DISC1: variants seen among roughly 807,000 people sequenced by gnomAD.
DISC1 encodes the protein disrupted in schizophrenia 1 protein.
A neutral mutation model predicts 84.5 loss-of-function variants in DISC1; 57 were observed. The observed-to-expected ratio is 0.67, with a 90% CI of 0.55 to 0.84. DISC1 has a LOEUF of 0.84. Ranked by LOEUF, DISC1 falls within the 40% of genes least tolerant of loss-of-function variation. The pLI, the probability that DISC1 is intolerant of heterozygous loss-of-function variation, is 0.00. For synonymous variants in DISC1, 411 were observed against 415.2 expected (o/e 0.99, Z 0.12); for missense variants, 1,000 against 1,057.8 (o/e 0.95, Z 0.76).
intron 9 of DISC1, among the ~76,000 whole-genome samples, chr1:231,842,506 C>T (rs1159446224): frequency 1.3e-5 from 2 of 152,196 alleles, no homozygotes; most frequent in East Asian, 3.8e-4. Context: ...CATTTGCCAA[C>T]TCCTATGTAG....
At chr1:231,670,373 G>A (rs1463354605) in intron 1 of DISC1, among the ~76,000 whole-genome samples, 1 of 152,080 alleles carries the variant, frequency 6.6e-6, no homozygotes, top group African/African-American at 2.4e-5. Flanking sequence ...ATAAAATAGG[G>A]GTTATAAGCA....
At chr1:231,950,247 T>TGTGTGTGTGTGA (rs1553405395) in intron 9 of DISC1, among the ~76,000 whole-genome samples, 1 of 148,668 alleles carries the variant, frequency 6.7e-6, no homozygotes, top group Non-Finnish European at 1.5e-5. Context: ...TGTGTGTGTG[T>TGTGTGTGTGTGA]GATGCCCATA....
chr1:231,784,950 T>A (rs1466885520), intron 6 of DISC1, among the ~76,000 whole-genome samples: 1 of 152,204 alleles, frequency 6.6e-6, no homozygotes, highest in Non-Finnish European at 1.5e-5. Context: ...TTCTGATGAA[T>A]TTATGTACCC....
At chr1:231,708,231 A>ATCTG (rs1234843765) in intron 3 of DISC1, among the ~76,000 whole-genome samples, 1 of 152,092 alleles carries the variant, frequency 6.6e-6, no homozygotes, top group East Asian at 1.9e-4. Flanking sequence ...GGTAGGGAAG[A>ATCTG]TCTGTGTTTA....
intron 3 of DISC1, among the ~76,000 whole-genome samples, chr1:231,741,377 A>G (rs1256680498): frequency 1.3e-5 from 2 of 152,206 alleles, no homozygotes; most frequent in African/African-American, 2.4e-5. Context: ...TTTAGTTGCT[A>G]ATGAAAAGGA....
intron 10 of DISC1, among the ~76,000 whole-genome samples, chr1:232,000,648 A>G (rs1180867463): frequency 6.6e-6 from 1 of 152,212 alleles, no homozygotes; most frequent in Non-Finnish European, 1.5e-5. Context: ...GACACATAAG[A>G]ATTGAATTTC....
chr1:232,026,877 T>C (rs913390365), intron 12 of DISC1, among the ~76,000 whole-genome samples: 1 of 150,410 alleles, frequency 6.6e-6, no homozygotes, highest in Admixed American at 6.7e-5. Flanking sequence ...GCCTCCTGAG[T>C]AGCTGGGATT....
intron 7 of DISC1, among the ~76,000 whole-genome samples, chr1:231,796,620 G>A (rs752651685): frequency 2.0e-5 from 3 of 152,122 alleles, no homozygotes; most frequent in Non-Finnish European, 4.4e-5. Flanking sequence ...TCACAGAGCC[G>A]CAGGTTTGAT....
intron 1 of DISC1, among the ~76,000 whole-genome samples, chr1:231,627,743 G>A (rs2058380040): frequency 6.6e-6 from 1 of 152,200 alleles, no homozygotes; most frequent in South Asian, 2.1e-4. Context: ...TGGGTCAGTC[G>A]CTTAACCTCT....
chr1:231,644,215 G>C (rs886434507), intron 1 of DISC1, among the ~76,000 whole-genome samples: 2 of 152,132 alleles, frequency 1.3e-5, no homozygotes, highest in Admixed American at 1.3e-4. Context: ...GATTTTCCTT[G>C]AAGGCAAGGA....
chr1:231,747,453 T>C (rs930178055), intron 3 of DISC1, among the ~76,000 whole-genome samples: 1 of 152,242 alleles, frequency 6.6e-6, no homozygotes, highest in Non-Finnish European at 1.5e-5. Flanking sequence ...GACAGGGGTC[T>C]ACTTTCATCC....
chr1:231,642,278 C>T (rs1040919216), intron 1 of DISC1, among the ~76,000 whole-genome samples: 15 of 152,228 alleles, frequency 9.9e-5, no homozygotes, highest in African/African-American at 2.4e-4. Context: ...GGTTCCCGCC[C>T]GCGCCTCTCC....
intron 9 of DISC1, among the ~76,000 whole-genome samples, chr1:231,894,458 T>C (rs552706035): frequency 6.6e-6 from 1 of 152,278 alleles, no homozygotes; most frequent in Admixed American, 6.5e-5. Flanking sequence ...GTTTTTGTCA[T>C]ACAAAAAATT....
intron 10 of DISC1, among the ~76,000 whole-genome samples, chr1:231,997,275 A>G (rs1666076850): frequency 6.6e-6 from 1 of 152,198 alleles, no homozygotes; most frequent in Non-Finnish European, 1.5e-5. Flanking sequence ...TACTGCAGAA[A>G]ATTATTTACA....
chr1:231,785,491 A>G (rs1418007451), intron 6 of DISC1, among the ~76,000 whole-genome samples: 1 of 151,586 alleles, frequency 6.6e-6, no homozygotes, highest in African/African-American at 2.4e-5. Flanking sequence ...ACGGGTTTTC[A>G]CCATATTGTC....
At chr1:231,999,343 A>G (rs1195315465) in intron 10 of DISC1, among the ~76,000 whole-genome samples, 3 of 152,166 alleles carry the variant, frequency 2.0e-5, no homozygotes, top group African/African-American at 4.8e-5. Context: ...GGCTTCCTAC[A>G]TACCTACTTC....
chr1:231,849,399 C>T (rs956064248), intron 9 of DISC1, among the ~76,000 whole-genome samples: 1 of 152,134 alleles, frequency 6.6e-6, no homozygotes, highest in Non-Finnish European at 1.5e-5. Flanking sequence ...GGATTACAGG[C>T]GTGAGCCACC....
In DISC1 at chr1:231,675,564, G is replaced by A. The variant is rs1199426258; in HGVS notation, c.68-18262G>A. ...CTCTCAAAATTTCCTGGGCTAGTAG[G>A]TCTCTCAAGGTGGCTGAGAGACCCT... On this transcript the variant is annotated intron_variant, in intron 1 of 12. Transcript: ENST00000439617. The surrounding 1 kb of genome is among the most constrained non-coding windows in gnomAD (Gnocchi z 4.1). Among the ~76,000 whole-genome samples the A allele has an allele frequency of 6.6e-6, 1 of 152,052 alleles. No individual in the cohort carries two copies. Among genetic ancestry groups the A allele is most frequent in the Admixed American group, 6.6e-5 (1 of 15,262 alleles).
chr1:231,670,479 A>G (rs1462805798), intron 1 of DISC1, among the ~76,000 whole-genome samples: 1 of 152,252 alleles, frequency 6.6e-6, no homozygotes, highest in African/African-American at 2.4e-5. Flanking sequence ...CTGAGCCTTA[A>G]GGTGTTCCAC....
Sources: allele counts gnomAD v4.1 joint callset (sites outside exome capture counted in the v4.1 genomes callset), GRCh38; gene constraint gnomAD v4.1.1; non-coding constraint Gnocchi (gnomAD v3.1); transcripts MANE v1.5; gene names NCBI Gene and HGNC (gene_info 2026-07-23, HGNC 2026-07-21).